Variants in ADAMTS20 observed in about 807,000 individuals in gnomAD.
ADAMTS20 encodes the protein A disintegrin and metalloproteinase with thrombospondin motifs 20.
A neutral mutation model predicts 260.1 loss-of-function variants in ADAMTS20; 225 were observed. That is an observed-to-expected ratio of 0.87 (90% CI 0.78 to 0.97). The LOEUF is 0.97. Ranked by LOEUF, ADAMTS20 falls within the 50% of genes least tolerant of loss-of-function variation. The pLI is 0.00. For synonymous variants in ADAMTS20, 802 were observed against 769.5 expected, an observed-to-expected ratio of 1.04 and a Z score of -0.70; for missense variants, 2,400 against 2,337.7, an observed-to-expected ratio of 1.03 and a Z score of -0.55.
chr12:43,476,963 T>G lies in ADAMTS20; in HGVS notation c.1118-8258A>C, dbSNP rs1942364864. On this transcript the variant is annotated intron_variant, in intron 7 of 38. Transcript: ENST00000389420. Reference sequence around the variant, plus strand: ...ATACATATGTAACTAACCTGCACAATGTGCACATGTACCCTAAAACTTAAA... The same window carrying G: ...ATACATATGTAACTAACCTGCACAAGGTGCACATGTACCCTAAAACTTAAA... Among the ~76,000 whole-genome samples the G allele has an allele frequency of 3.0e-5, 4 of 135,394 alleles. No individual in the cohort carries two copies. The South Asian group carries it at 9.1e-4, about 31-fold the overall frequency. The allele number at this position is 135,394 out of a possible 152,430, so 88.8% of individuals were successfully genotyped here. A position where few individuals can be genotyped will look rare whatever the true frequency, so the allele number is the denominator to read the frequency against.
intron 6 of ADAMTS20, among the ~76,000 whole-genome samples, chr12:43,491,580 G>GA (rs1216245366): frequency 3.3e-5 from 5 of 152,086 alleles, no homozygotes; most frequent in African/African-American, 9.7e-5. Flanking sequence ...CACTGTTGCT[G>GA]AAAGAAAGGT....
At chr12:43,435,174 TA>T in intron 18 of ADAMTS20, among the ~76,000 whole-genome samples, 1 of 152,334 alleles carries the variant, frequency 6.6e-6, no homozygotes, top group East Asian at 1.9e-4. Context: ...CTATGGACTT[TA>T]ATTAATAATA....
chr12:43,430,484 T>C lies in ADAMTS20; in HGVS notation c.3262-13A>G. ...ATGTGGTTGTGCACTGAAAGAAGAA[T>C]ATAGATATTAAAAAAACATTGTTTC... On this transcript the variant is annotated splice_polypyrimidine_tract_variant and intron_variant, in intron 22 of 38. Transcript: ENST00000389420. The C allele has an allele frequency of 6.2e-7, 1 of 1,600,632 alleles. No homozygotes were observed. Among genetic ancestry groups the C allele is most frequent in the Non-Finnish European group, 8.5e-7 (1 of 1,173,700 alleles).
chr12:43,455,482 C>G (rs928336483), intron 11 of ADAMTS20, among the ~76,000 whole-genome samples: 1 of 152,054 alleles, frequency 6.6e-6, no homozygotes, highest in Non-Finnish European at 1.5e-5. Context: ...GCAGAAGGAC[C>G]GAGACAGCTC....
chr12:43,424,173 A>G (rs564562080), intron 28 of ADAMTS20, among the ~76,000 whole-genome samples: 1 of 152,292 alleles, frequency 6.6e-6, no homozygotes, highest in East Asian at 1.9e-4. Context: ...AAATTTAATT[A>G]CAAATAGATT....
At chr12:43,414,018 T>C (rs1013529934) in intron 28 of ADAMTS20, among the ~76,000 whole-genome samples, 2 of 152,202 alleles carry the variant, frequency 1.3e-5, no homozygotes, top group Non-Finnish European at 2.9e-5. Flanking sequence ...TTATCCTCCA[T>C]ATCTATTGGT....
chr12:43,493,653 A>G (rs925544356), intron 4 of ADAMTS20, among the ~76,000 whole-genome samples: 5 of 152,220 alleles, frequency 3.3e-5, no homozygotes, highest in Non-Finnish European at 7.3e-5. Flanking sequence ...AACTGCTGTT[A>G]TGGATGATTC....
chr12:43,551,967 C>A lies in ADAMTS20; in HGVS notation c.-46G>T. 6.4e-7 allele frequency: 1 copy of A among 1,560,676 alleles called. No individual in the cohort carries two copies. Among genetic ancestry groups the A allele is most frequent in the South Asian group, 1.1e-5 (1 of 90,052 alleles). On this transcript the variant is annotated 5_prime_UTR_variant, in exon 1 of 39. Coordinates refer to ENST00000389420, the MANE Select transcript of ADAMTS20 (RefSeq NM_025003.5). This position sits in a 1 kb window ranked among gnomAD's most constrained non-coding sequence, Gnocchi z 4.6. ...GATCGGGGAGGCCCACCAGAGCCGC[C>A]GGCAGCCAAGCCGGCTTCCCTCGCG...
Position 43,428,319 on chromosome 12 carries a change from T to C in ADAMTS20, c.3867A>G (p.Gln1289=), listed in dbSNP as rs772645811. 8 of 1,613,888 alleles carry C rather than the reference T, an allele frequency of 5.0e-6. No individual in the cohort carries two copies. The Admixed American group carries it at 5.0e-5, about 10-fold the overall frequency. Residue 1289 remains glutamine (Q), a synonymous_variant, in exon 26 of 39, where the codon CAA becomes CAG. Coordinates refer to ENST00000389420, the MANE Select transcript of ADAMTS20 (RefSeq NM_025003.5). ...YYLSTNLPLT[Q]KLEDNENQVV... ...CCTGATTTTCATTATCTTCAAGTTT[T>C]TGAGTTAATGGCAAATTCGTGCTTA...
At position 43,551,647 on chromosome 12, in the gene ADAMTS20, G is replaced by A. The variant is rs1241167989; in HGVS notation, c.91+184C>T. ...CCTGGGAGTGCGATGCGTCTTAGGCGCGCGCGATTCCTCGAAACCCGGCGC... is the reference window on the plus strand; with the variant it reads ...CCTGGGAGTGCGATGCGTCTTAGGCACGCGCGATTCCTCGAAACCCGGCGC... On this transcript the variant is annotated intron_variant, in intron 1 of 38. Coordinates refer to ENST00000389420, the MANE Select transcript of ADAMTS20 (RefSeq NM_025003.5). The surrounding 1 kb of genome is among the most constrained non-coding windows in gnomAD (Gnocchi z 4.6). Among the ~76,000 whole-genome samples the A allele has an allele frequency of 2.0e-5, 3 of 152,156 alleles. No individual in the cohort carries two copies. The highest frequency in any genetic ancestry group is 2.9e-5 in the Non-Finnish European group (2 of 68,032).
chr12:43,482,367 T>A (rs1342506436), intron 7 of ADAMTS20, among the ~76,000 whole-genome samples: 2 of 152,154 alleles, frequency 1.3e-5, no homozygotes, highest in Non-Finnish European at 2.9e-5. Flanking sequence ...AGTCACTCCA[T>A]CTCCATAGGG....
chr12:43,470,871 GCTGTGTGGTCTT>G (rs1942242614), intron 7 of ADAMTS20, among the ~76,000 whole-genome samples: 7 of 152,168 alleles, frequency 4.6e-5, no homozygotes. Context: ...ATTAATATAA[GCTGTGTGGTCTT>G]CTGCAAATTA....
intron 36 of ADAMTS20, among the ~76,000 whole-genome samples, chr12:43,370,601 C>T: frequency 6.6e-6 from 1 of 152,184 alleles, no homozygotes; most frequent in East Asian, 1.9e-4. Flanking sequence ...TCCAGTCCAC[C>T]TGACTCTGAT....
At chr12:43,469,437 C>T (rs368628165) in intron 7 of ADAMTS20, among the ~76,000 whole-genome samples, 12 of 152,168 alleles carry the variant, frequency 7.9e-5, no homozygotes, top group Middle Eastern at 6.8e-3. Context: ...ATGCAGTCCT[C>T]TAAAAATAAT....
chr12:43,551,404 C>G lies in ADAMTS20; in HGVS notation c.92-134G>C. On this transcript the variant is annotated intron_variant, in intron 1 of 38. Coordinates refer to ENST00000389420, the MANE Select transcript of ADAMTS20 (RefSeq NM_025003.5). This position sits in a 1 kb window ranked among gnomAD's most constrained non-coding sequence, Gnocchi z 4.6. Reference sequence around the variant, plus strand: ...CAGGGGCAAGACAAATGCACACATGCTGATGCGCACGCACACACACACACG... The same window carrying G: ...CAGGGGCAAGACAAATGCACACATGGTGATGCGCACGCACACACACACACG... The G allele has an allele frequency of 7.9e-7, 1 of 1,269,680 alleles. No homozygotes were observed. The highest frequency in any genetic ancestry group is 1.1e-6 in the Non-Finnish European group (1 of 940,796). The allele number at this position is 1,269,680 out of a possible 1,614,324, so 78.7% of individuals were successfully genotyped here. A position where few individuals can be genotyped will look rare whatever the true frequency, so the allele number is the denominator to read the frequency against.
At chr12:43,397,423 T>C (rs1940726217) in intron 29 of ADAMTS20, among the ~76,000 whole-genome samples, 1 of 152,122 alleles carries the variant, frequency 6.6e-6, no homozygotes, top group Admixed American at 6.6e-5. Flanking sequence ...ATGTAAATAA[T>C]GGCCAAAATA....
At chr12:43,386,505 A>G (rs549461995) in intron 29 of ADAMTS20, among the ~76,000 whole-genome samples, 18 of 152,174 alleles carry the variant, frequency 1.2e-4, no homozygotes, top group Admixed American at 3.3e-4. Flanking sequence ...AGTGTTCTCT[A>G]TATTTCCTGA....
At chr12:43,493,939 G>T (rs1261511587) in intron 4 of ADAMTS20, among the ~76,000 whole-genome samples, 2 of 152,158 alleles carry the variant, frequency 1.3e-5, no homozygotes, top group Non-Finnish European at 2.9e-5. Context: ...AGAATGTTAG[G>T]CACTCTGAAT....
intron 7 of ADAMTS20, among the ~76,000 whole-genome samples, chr12:43,482,719 A>T (rs1942460296): frequency 6.6e-6 from 1 of 152,108 alleles, no homozygotes; most frequent in South Asian, 2.1e-4. Flanking sequence ...AAAGACAAGG[A>T]CACTTGGGAG....
Sources: allele counts gnomAD v4.1 joint callset (sites outside exome capture counted in the v4.1 genomes callset), GRCh38; gene constraint gnomAD v4.1.1; non-coding constraint Gnocchi (gnomAD v3.1); transcripts MANE v1.5; gene names NCBI Gene and HGNC (gene_info 2026-07-23, HGNC 2026-07-21).